ISM1: variants seen among roughly 807,000 people sequenced by gnomAD.
ISM1 encodes the protein isthmin 1, also known as isthmin-1.
ISM1 carries 25 observed loss-of-function variants against 46.3 expected under a neutral mutation model. The ratio of observed to expected loss-of-function variants is 0.54; its 90% CI spans 0.39 to 0.75. The LOEUF is 0.75. Ranked by LOEUF, ISM1 falls within the 30% of genes least tolerant of loss-of-function variation. The probability of loss-of-function intolerance (pLI) is 0.00; values close to 1 mark genes in which losing one functional copy is unlikely to be tolerated. For missense variants in ISM1, 536 were observed against 625.4 expected (o/e 0.86, Z 1.52); for synonymous variants, 255 against 256.7 (o/e 0.99, Z 0.06).
At chr20:13,294,278 T>C (rs1022386890) in intron 5 of ISM1, among the ~76,000 whole-genome samples, 1 of 152,222 alleles carries the variant, frequency 6.6e-6, no homozygotes, top group Non-Finnish European at 1.5e-5. Context: ...GGAAATTCAG[T>C]GTCGCTAGGG....
At chr20:13,311,463 T>C in the ISM1 span, among the ~76,000 whole-genome samples, 3 of 152,242 alleles carry the variant, frequency 2.0e-5, 1 homozygote, top group South Asian at 4.1e-4. Flanking sequence ...TAAATCAGTA[T>C]GTGAAAGAGA....
At chr20:13,284,354 T>G (rs904617212) in intron 3 of ISM1, among the ~76,000 whole-genome samples, 3 of 152,230 alleles carry the variant, frequency 2.0e-5, no homozygotes, top group Admixed American at 6.5e-5. Context: ...CTCAGCCCAC[T>G]GCACTCGGGA....
chr20:13,238,512 T>C (rs1389115578), intron 1 of ISM1, among the ~76,000 whole-genome samples: 1 of 152,192 alleles, frequency 6.6e-6, no homozygotes, highest in East Asian at 1.9e-4. Flanking sequence ...AATACCCACA[T>C]GGACATCACT....
chr20:13,255,364 G>A (rs2039915479), intron 1 of ISM1, among the ~76,000 whole-genome samples: 1 of 152,172 alleles, frequency 6.6e-6, no homozygotes, highest in African/African-American at 2.4e-5. Context: ...GTACAGTTGA[G>A]TTTACAGTTC....
intron 1 of ISM1, among the ~76,000 whole-genome samples, chr20:13,227,754 C>T (rs751548838): frequency 2.0e-5 from 3 of 151,924 alleles, no homozygotes; most frequent in Non-Finnish European, 2.9e-5. Flanking sequence ...ATGATCCTCT[C>T]GCCTCTGCCT....
intron 2 of ISM1, among the ~76,000 whole-genome samples, chr20:13,274,052 C>A (rs191315353): frequency 9.6e-6 from 1 of 103,748 alleles, no homozygotes; most frequent in South Asian, 3.7e-4. Flanking sequence ...CTTCTGTTGG[C>A]GTGTAATTGT....
intron 3 of ISM1, among the ~76,000 whole-genome samples, chr20:13,286,222 C>A (rs2040290962): frequency 6.6e-6 from 1 of 151,974 alleles, no homozygotes; most frequent in Non-Finnish European, 1.5e-5. Context: ...CCCGCTGCAC[C>A]TGGATGCTTC....
intron 2 of ISM1, among the ~76,000 whole-genome samples, chr20:13,274,575 C>T (rs1358581296): frequency 2.6e-5 from 4 of 152,206 alleles, no homozygotes; most frequent in African/African-American, 9.7e-5. Context: ...GAAGTGTTTC[C>T]CACGCTCCAG....
chr20:13,228,890 T>C (rs187427389), intron 1 of ISM1, among the ~76,000 whole-genome samples: 5 of 152,318 alleles, frequency 3.3e-5, no homozygotes, highest in Admixed American at 1.3e-4. Context: ...TTCTGGCTAT[T>C]TCAACCCCAG....
intron 1 of ISM1, among the ~76,000 whole-genome samples, chr20:13,227,509 T>C (rs2039539555): frequency 7.6e-6 from 1 of 131,390 alleles, no homozygotes; most frequent in Non-Finnish European, 1.6e-5. Context: ...AGCCCAACTT[T>C]TTTCTTTTTT....
intron 1 of ISM1, among the ~76,000 whole-genome samples, chr20:13,226,793 G>A (rs1568660348): frequency 6.6e-6 from 1 of 152,190 alleles, no homozygotes; most frequent in Non-Finnish European, 1.5e-5. Context: ...ACCTATTGAT[G>A]AGTTTGCACA....
At chr20:13,242,059 T>A (rs1045772535) in intron 1 of ISM1, among the ~76,000 whole-genome samples, 1 of 151,834 alleles carries the variant, frequency 6.6e-6, no homozygotes, top group African/African-American at 2.4e-5. Context: ...TCTCAATGAG[T>A]TTTAAAACTG....
chr20:13,318,810 C>T, the ISM1 span, among the ~76,000 whole-genome samples: 1 of 152,156 alleles, frequency 6.6e-6, no homozygotes, highest in Non-Finnish European at 1.5e-5. Context: ...AACTACATAG[C>T]CTTCTAGAAA....
intron 1 of ISM1, among the ~76,000 whole-genome samples, chr20:13,261,742 G>C (rs1008894149): frequency 6.6e-6 from 1 of 152,182 alleles, no homozygotes. Flanking sequence ...AGGTTTCAAT[G>C]AGGGTTCTTA....
the ISM1 span, among the ~76,000 whole-genome samples, chr20:13,313,744 G>A: frequency 6.6e-6 from 1 of 152,072 alleles, no homozygotes; most frequent in Non-Finnish European, 1.5e-5. Flanking sequence ...ATAAGACATA[G>A]TAAAAGGCAA....
intron 1 of ISM1, among the ~76,000 whole-genome samples, chr20:13,258,051 C>T (rs1005604862): frequency 1.3e-5 from 2 of 152,056 alleles, no homozygotes; most frequent in East Asian, 1.9e-4. Flanking sequence ...TGTCATGAGA[C>T]CAGATTTAAT....
chr20:13,297,001 T>C (rs1320968724), intron 5 of ISM1, among the ~76,000 whole-genome samples: 1 of 151,780 alleles, frequency 6.6e-6, no homozygotes, highest in Non-Finnish European at 1.5e-5. Flanking sequence ...CTGGGTGACA[T>C]AGTGAGACTC....
chr20:13,309,112 T>C, the ISM1 span, among the ~76,000 whole-genome samples: 2 of 152,120 alleles, frequency 1.3e-5, no homozygotes, highest in African/African-American at 2.4e-5. Flanking sequence ...ATTTTAATAA[T>C]TTAAAACTCA....
intron 1 of ISM1, among the ~76,000 whole-genome samples, chr20:13,235,468 G>A (rs1368909160): frequency 6.6e-6 from 1 of 152,156 alleles, no homozygotes; most frequent in African/African-American, 2.4e-5. Context: ...AATGGGATAA[G>A]AATAGTTAAC....
Sources: allele counts gnomAD v4.1 joint callset (sites outside exome capture counted in the v4.1 genomes callset), GRCh38; gene constraint gnomAD v4.1.1; transcripts MANE v1.5; gene names NCBI Gene and HGNC (gene_info 2026-07-23, HGNC 2026-07-21).